MECOM: variants seen among roughly 807,000 people sequenced by gnomAD.
The protein encoded by MECOM is histone-lysine N-methyltransferase MECOM.
Under a neutral mutation model 116.3 loss-of-function variants are expected in MECOM, and 13 were observed. That is an observed-to-expected ratio of 0.11 (90% CI 0.07 to 0.18). MECOM has a LOEUF of 0.18. Among genes scored for constraint, MECOM ranks in the 10% least tolerant of loss-of-function variants. The pLI, the probability that MECOM is intolerant of heterozygous loss-of-function variation, is 1.00. For missense variants in MECOM, 1,299 were observed against 1,509.0 expected (o/e 0.86, Z 2.31); for synonymous variants, 528 against 535.2 (o/e 0.99, Z 0.19).
intron 1 of MECOM, among the ~76,000 whole-genome samples, chr3:169,638,599 T>C (rs1256244593): frequency 6.6e-6 from 1 of 152,224 alleles, no homozygotes; most frequent in Non-Finnish European, 1.5e-5. Flanking sequence ...TTGATCTTAT[T>C]GGTCAGTCTA....
rs572384316 is a variant in MECOM, at chr3:169,568,808, C to G, written c.37+94528G>C. ...CAAATGCTGACAGATTTTGTCACCA[C>G]CGGGTTCTTGCCTTACAAGAGCGCC... On this transcript the variant is annotated intron_variant, in intron 1 of 16. Transcript: ENST00000651503. Among the ~76,000 whole-genome samples the G allele has an allele frequency of 1.1e-4, 16 of 152,294 alleles. No individual in the cohort carries two copies. In the South Asian group the frequency reaches 3.3e-3, roughly 32 times the overall value.
chr3:169,100,226 G>A (rs1417530975), intron 12 of MECOM, among the ~76,000 whole-genome samples: 1 of 150,418 alleles, frequency 6.6e-6, no homozygotes, highest in Non-Finnish European at 1.5e-5. Context: ...AGTCTCACAA[G>A]TAGCTGGGAC....
At chr3:169,596,028 T>C (rs982462676) in intron 1 of MECOM, among the ~76,000 whole-genome samples, 1 of 152,236 alleles carries the variant, frequency 6.6e-6, no homozygotes, top group African/African-American at 2.4e-5. Flanking sequence ...GATGAATCGA[T>C]AAACTAGCTA....
At chr3:169,421,846 G>T (rs1234180163) in intron 1 of MECOM, among the ~76,000 whole-genome samples, 10 of 152,036 alleles carry the variant, frequency 6.6e-5, no homozygotes, top group Non-Finnish European at 1.5e-4. Context: ...AGAATAAATA[G>T]GTGGACATGA....
intron 2 of MECOM, among the ~76,000 whole-genome samples, chr3:169,345,435 T>C (rs3863103): frequency 0.39 from 59,269 of 151,960 alleles, 13,445 homozygotes; most frequent in East Asian, 0.62. Flanking sequence ...ACTCACTTTA[T>C]GTGCGTTCAT....
At chr3:169,363,847 A>G (rs1728730825) in intron 2 of MECOM, among the ~76,000 whole-genome samples, 1 of 151,962 alleles carries the variant, frequency 6.6e-6, no homozygotes, top group Non-Finnish European at 1.5e-5. Context: ...AATGGTGCTA[A>G]GTGATTGATC....
chr3:169,540,673 T>G (rs11916582), intron 1 of MECOM, among the ~76,000 whole-genome samples: 1,556 of 152,322 alleles, frequency 0.01, 30 homozygotes, highest in African/African-American at 0.034. Context: ...CTACATTTAT[T>G]AAGCCCATCC....
chr3:169,228,158 C>T (rs182837600), intron 2 of MECOM, among the ~76,000 whole-genome samples: 2 of 152,298 alleles, frequency 1.3e-5, no homozygotes, highest in African/African-American at 4.8e-5. Context: ...TACTGAGTTC[C>T]TCCTCTACTG....
At chr3:169,495,104 G>A (rs189878125) in intron 1 of MECOM, among the ~76,000 whole-genome samples, 90 of 152,118 alleles carry the variant, frequency 5.9e-4, no homozygotes, top group African/African-American at 2.0e-3. Context: ...TCTCAATACC[G>A]GTAATCCTGA....
At chr3:169,518,858 C>A (rs1203236726) in intron 1 of MECOM, among the ~76,000 whole-genome samples, 1 of 149,410 alleles carries the variant, frequency 6.7e-6, no homozygotes, top group Non-Finnish European at 1.5e-5. Context: ...CTTCCCTGCA[C>A]AAGCTCTCTC....
At chr3:169,422,267 A>C (rs1248225793) in intron 1 of MECOM, among the ~76,000 whole-genome samples, 1 of 152,100 alleles carries the variant, frequency 6.6e-6, no homozygotes, top group Admixed American at 6.6e-5. Flanking sequence ...AATTAGTGTA[A>C]TAATGAAGAG....
chr3:169,648,173 T>C (rs530516726), intron 1 of MECOM, among the ~76,000 whole-genome samples: 1 of 152,372 alleles, frequency 6.6e-6, no homozygotes, highest in East Asian at 1.9e-4. Flanking sequence ...CTACAAGTCC[T>C]GGCCAATGCC....
intron 2 of MECOM, among the ~76,000 whole-genome samples, chr3:169,365,839 A>T (rs915847189): frequency 6.6e-6 from 1 of 152,014 alleles, no homozygotes. Flanking sequence ...TGACACTCTA[A>T]AGAGAAAAAT....
chr3:169,133,166 A>G (rs886198111), intron 3 of MECOM, among the ~76,000 whole-genome samples: 1 of 151,956 alleles, frequency 6.6e-6, no homozygotes, highest in African/African-American at 2.4e-5. Flanking sequence ...AACAACCACC[A>G]TCATATTCTA....
chr3:169,130,836 A>G (rs1734456858), intron 4 of MECOM, among the ~76,000 whole-genome samples: 1 of 151,998 alleles, frequency 6.6e-6, no homozygotes, highest in African/African-American at 2.4e-5. Flanking sequence ...TATAAGCAAA[A>G]TTTTCTCTTT....
intron 2 of MECOM, among the ~76,000 whole-genome samples, chr3:169,179,796 A>G (rs1745706542): frequency 6.6e-6 from 1 of 152,094 alleles, no homozygotes; most frequent in African/African-American, 2.4e-5. Context: ...CGTTAAAAGG[A>G]CATATTATAT....
chr3:169,479,638 G>T (rs1055817908), intron 1 of MECOM, among the ~76,000 whole-genome samples: 2 of 115,446 alleles, frequency 1.7e-5, no homozygotes, highest in Non-Finnish European at 1.7e-5. Flanking sequence ...CTCATTTTCA[G>T]ATTTTCTCTT....
intron 1 of MECOM, among the ~76,000 whole-genome samples, chr3:169,606,205 A>C (rs966655577): frequency 6.6e-6 from 1 of 152,138 alleles, no homozygotes; most frequent in African/African-American, 2.4e-5. Context: ...TGAGATCAGG[A>C]GTTCAAGACC....
chr3:169,628,463 T>C (rs1430481092), intron 1 of MECOM, among the ~76,000 whole-genome samples: 1 of 152,212 alleles, frequency 6.6e-6, no homozygotes, highest in African/African-American at 2.4e-5. Flanking sequence ...TATTAAAAGA[T>C]TCAATTAGGT....
Sources: allele counts gnomAD v4.1 joint callset (sites outside exome capture counted in the v4.1 genomes callset), GRCh38; gene constraint gnomAD v4.1.1; transcripts MANE v1.5; gene names NCBI Gene and HGNC (gene_info 2026-07-23, HGNC 2026-07-21).